Variants in DENND1A observed in about 807,000 individuals in gnomAD.
DENND1A encodes DENN domain containing 1A.
In DENND1A, 51 loss-of-function variants were observed where a neutral mutation model predicts 113.7. The ratio of observed to expected loss-of-function variants is 0.45; its 90% CI spans 0.36 to 0.57. The LOEUF is 0.57. Ranked by LOEUF, DENND1A falls within the 20% of genes least tolerant of loss-of-function variation. The pLI, the probability that DENND1A is intolerant of heterozygous loss-of-function variation, is 0.00. For missense variants in DENND1A, 1,258 were observed against 1,395.9 expected (o/e 0.90, Z 1.57); for synonymous variants, 565 against 570.8 (o/e 0.99, Z 0.14).
At chr9:123,544,380 G>A (rs141099979) in intron 13 of DENND1A, among the ~76,000 whole-genome samples, 4 of 152,244 alleles carry the variant, frequency 2.6e-5, no homozygotes, top group African/African-American at 7.2e-5. Flanking sequence ...GTTTATAAAG[G>A]TTGTTAGTTT....
chr9:123,511,841 T>TG (rs1185780845), intron 13 of DENND1A, among the ~76,000 whole-genome samples: 3 of 152,134 alleles, frequency 2.0e-5, no homozygotes, highest in African/African-American at 7.2e-5. Context: ...CCAGCTTGGC[T>TG]GGGGGTTGCA....
chr9:123,755,884 G>A (rs2070497845), intron 5 of DENND1A, among the ~76,000 whole-genome samples: 1 of 152,154 alleles, frequency 6.6e-6, no homozygotes, highest in South Asian at 2.1e-4. Context: ...GTAGGCTATG[G>A]AATAGTAGTT....
intron 13 of DENND1A, among the ~76,000 whole-genome samples, chr9:123,509,513 G>T (rs2053262465): frequency 6.6e-6 from 1 of 152,170 alleles, no homozygotes; most frequent in Non-Finnish European, 1.5e-5. Flanking sequence ...TTCCTTTATG[G>T]CCTCGTTTTT....
At chr9:123,566,942 A>ACACAC (rs1554883243) in intron 12 of DENND1A, among the ~76,000 whole-genome samples, 5 of 73,072 alleles carry the variant, frequency 6.8e-5, no homozygotes, top group East Asian at 3.1e-4. Context: ...CACACACACA[A>ACACAC]ACACACACAC....
intron 5 of DENND1A, among the ~76,000 whole-genome samples, chr9:123,711,872 G>A (rs2066658799): frequency 6.6e-6 from 1 of 151,932 alleles, no homozygotes; most frequent in South Asian, 2.1e-4. Flanking sequence ...ATCACTAATG[G>A]TCTCTTCATT....
At chr9:123,682,401 G>T (rs2064525817) in intron 5 of DENND1A, among the ~76,000 whole-genome samples, 1 of 152,118 alleles carries the variant, frequency 6.6e-6, no homozygotes, top group Admixed American at 6.5e-5. Context: ...TGCTTTTGGT[G>T]ACTTGCTACT....
intron 19 of DENND1A, among the ~76,000 whole-genome samples, chr9:123,423,759 G>A (rs1369752535): frequency 2.6e-5 from 4 of 152,052 alleles, no homozygotes; most frequent in Non-Finnish European, 5.9e-5. Context: ...CAAGATACAC[G>A]CTACTGTTTA....
intron 11 of DENND1A, among the ~76,000 whole-genome samples, chr9:123,605,351 C>T (rs1051350562): frequency 3.3e-5 from 5 of 152,222 alleles, no homozygotes; most frequent in African/African-American, 7.2e-5. Context: ...ATCGACCAGA[C>T]ATGACCTGGC....
intron 13 of DENND1A, among the ~76,000 whole-genome samples, chr9:123,544,063 A>G (rs2056480003): frequency 1.3e-5 from 2 of 152,204 alleles, no homozygotes. Context: ...TCCCTAATAA[A>G]TAAACCTTAT....
At chr9:123,650,697 A>C (rs536733345) in intron 9 of DENND1A, among the ~76,000 whole-genome samples, 1 of 152,244 alleles carries the variant, frequency 6.6e-6, no homozygotes, top group Non-Finnish European at 1.5e-5. Flanking sequence ...ACTTGAGGTC[A>C]AGAGTTCGAG....
At chr9:123,532,895 G>A (rs144477137) in intron 13 of DENND1A, among the ~76,000 whole-genome samples, 1 of 152,142 alleles carries the variant, frequency 6.6e-6, no homozygotes, top group Non-Finnish European at 1.5e-5. Flanking sequence ...AACTAATAAG[G>A]CTGCAGGCCA....
At chr9:123,560,613 C>A (rs1659565737) in intron 12 of DENND1A, among the ~76,000 whole-genome samples, 1 of 151,464 alleles carries the variant, frequency 6.6e-6, no homozygotes, top group Non-Finnish European at 1.5e-5. Context: ...CTGCTTGAGC[C>A]CAGGAGTTTG....
Position 123,838,552 on chromosome 9 carries a change from T to TA in DENND1A, c.88+40398dup, listed in dbSNP as rs982433270. On this transcript the variant is annotated intron_variant, in intron 2 of 23. Transcript: ENST00000394215. The stretch of plus-strand genomic sequence containing the variant: ...TTAGAAAACTGAAATTTGGACAACT[T>TA]AAAAAAAATAGCCATATCAAGAATC... Among the ~76,000 whole-genome samples, 36 of 151,822 alleles carry TA rather than the reference T, an allele frequency of 2.4e-4. 1 individual carries two copies. Among genetic ancestry groups the TA allele is most frequent in the Middle Eastern group, 3.4e-3 (1 of 294 alleles).
intron 20 of DENND1A, among the ~76,000 whole-genome samples, chr9:123,404,316 C>A (rs899897780): frequency 3.9e-5 from 6 of 152,224 alleles, no homozygotes; most frequent in African/African-American, 1.4e-4. Context: ...GAAGGATACT[C>A]ATTTGGTCCA....
intron 5 of DENND1A, among the ~76,000 whole-genome samples, chr9:123,701,126 T>C (rs1207136588): frequency 1.3e-5 from 2 of 152,206 alleles, no homozygotes; most frequent in African/African-American, 4.8e-5. Flanking sequence ...CTCTGTGCTC[T>C]TAAGTTATGC....
At chr9:123,510,098 C>T (rs1205889992) in intron 13 of DENND1A, among the ~76,000 whole-genome samples, 5 of 152,210 alleles carry the variant, frequency 3.3e-5, no homozygotes, top group Non-Finnish European at 7.4e-5. Flanking sequence ...CCCAGCAGTG[C>T]GGCCTGCCCT....
chr9:123,507,465 T>C (rs1332865793), intron 13 of DENND1A, among the ~76,000 whole-genome samples: 2 of 152,222 alleles, frequency 1.3e-5, no homozygotes, highest in Non-Finnish European at 2.9e-5. Context: ...TAGGCAGTTA[T>C]GTGCAAGGTT....
At chr9:123,407,530 C>T (rs754201565) in intron 20 of DENND1A, among the ~76,000 whole-genome samples, 2 of 152,102 alleles carry the variant, frequency 1.3e-5, no homozygotes. Context: ...TAATGAAGCC[C>T]GAATCACAGA....
intron 5 of DENND1A, among the ~76,000 whole-genome samples, chr9:123,684,762 T>C (rs1206546715): frequency 6.6e-6 from 1 of 152,218 alleles, no homozygotes. Flanking sequence ...ACCCACATAT[T>C]TTCCCATGCT....
Sources: allele counts gnomAD v4.1 joint callset (sites outside exome capture counted in the v4.1 genomes callset), GRCh38; gene constraint gnomAD v4.1.1; transcripts MANE v1.5; gene names NCBI Gene and HGNC (gene_info 2026-07-23, HGNC 2026-07-21).